Variants in SLC9C1 observed in about 807,000 individuals in gnomAD.
SLC9C1 encodes solute carrier family 9 member C1.
Under a neutral mutation model 140.9 loss-of-function variants are expected in SLC9C1, and 97 were observed. The observed-to-expected ratio is 0.69, with a 90% CI of 0.58 to 0.82. SLC9C1 has a LOEUF of 0.82. Among genes scored for constraint, SLC9C1 ranks in the 40% least tolerant of loss-of-function variants. The pLI, the probability that SLC9C1 is intolerant of heterozygous loss-of-function variation, is 0.00. For synonymous variants in SLC9C1, 440 were observed against 442.6 expected (o/e 0.99, Z 0.07); for missense variants, 1,340 against 1,389.3 (o/e 0.96, Z 0.56).
intron 15 of SLC9C1, among the ~76,000 whole-genome samples, chr3:112,210,996 T>A (rs2078187299): frequency 6.6e-6 from 1 of 152,212 alleles, no homozygotes; most frequent in South Asian, 2.1e-4. Context: ...TAACAATATA[T>A]GGTGGTACCA....
chr3:112,233,073 T>TATA (rs60790024), intron 12 of SLC9C1, among the ~76,000 whole-genome samples: 36,713 of 134,838 alleles, frequency 0.27, 5,164 homozygotes, highest in East Asian at 0.33. Context: ...ATATATTATA[T>TATA]TTTTTTTTTT....
At chr3:112,243,880 G>A (rs752057568) in intron 11 of SLC9C1, 115 bp downstream of exon 11, 66 of 635,252 alleles carry the variant, frequency 1.0e-4, no homozygotes, top group African/African-American at 1.5e-4. Flanking sequence ...TTGTAGAGAC[G>A]GGGGTCTCAC....
rs28449655 is a variant in SLC9C1 at position 112,251,448 on chromosome 3, C to T, written c.1198-7372G>A. Among the ~76,000 whole-genome samples, 1,516 of 152,214 alleles carry T rather than the reference C, an allele frequency of 1.0e-2. 26 individuals carry two copies. The highest frequency in any genetic ancestry group is 0.034 in the African/African-American group (1,412 of 41,518). ...TTAGCAGAGCAGCCATCCAAGCACA[C>T]GTGGAGCCCTAGGTGCTTCAGATAC... is the stretch of plus-strand genomic sequence containing the variant. On this transcript the variant is annotated intron_variant, in intron 10 of 28. Transcript: ENST00000305815.
intron 13 of SLC9C1, among the ~76,000 whole-genome samples, chr3:112,224,197 A>G (rs571766717): frequency 1.3e-4 from 20 of 152,318 alleles, no homozygotes; most frequent in Non-Finnish European, 2.8e-4. Flanking sequence ...AGGCACTCAC[A>G]GGCATCAATG....
At chr3:112,215,993 G>A (rs926710124) in intron 15 of SLC9C1, among the ~76,000 whole-genome samples, 1 of 152,200 alleles carries the variant, frequency 6.6e-6, no homozygotes, top group African/African-American at 2.4e-5. Flanking sequence ...GCATGGTACT[G>A]GTACCAAAAC....
chr3:112,281,408 C>T (rs969005344), intron 2 of SLC9C1, among the ~76,000 whole-genome samples: 4 of 152,072 alleles, frequency 2.6e-5, no homozygotes, highest in African/African-American at 7.2e-5. Flanking sequence ...AAAGGCTCTC[C>T]GATGTGGAGA....
chr3:112,292,788 C>T (rs995485706), intron 1 of SLC9C1, among the ~76,000 whole-genome samples: 2 of 151,814 alleles, frequency 1.3e-5, no homozygotes, highest in African/African-American at 4.8e-5. Flanking sequence ...TGTGATCTGC[C>T]CGCCTCGGCC....
At position 112,280,771 on chromosome 3, in the gene SLC9C1, C is replaced by T. The variant is rs753726324; in HGVS notation, c.101G>A (p.Arg34Gln). 40 of 1,610,556 alleles carry T rather than the reference C, an allele frequency of 2.5e-5. No individual in the cohort carries two copies. In the South Asian group the frequency reaches 3.8e-4, roughly 15 times the overall value. The change falls in exon 3 of 29, where the codon CGG becomes CAG. Residue 34 changes from arginine to glutamine, a missense_variant. Transcript: ENST00000305815. The stretch of plus-strand genomic sequence containing the variant: ...AGGAATTGGAAAGTCTTCCAAGTGC[C>T]GGTTCAAAAATGCTGCAAAAAATAT... Reference protein sequence around the residue: ...LISSIGAFLNRHLEDFPIPVP... With the variant: ...LISSIGAFLNQHLEDFPIPVP...
chr3:112,151,946 G>A lies in SLC9C1; in HGVS notation c.3435C>T (p.Ala1145=), dbSNP rs549677947. 5.7e-5 allele frequency: 91 copies of A among 1,597,948 alleles called. No homozygotes were observed. In the South Asian group the frequency reaches 8.8e-4, roughly 15 times the overall value. The part of the protein sequence containing the change: ...RNVKEDGAHS[A]ATARSPQPCS... ...AAGGCTGGGGACTCCTGGCAGTGGCGGCACTGTGTGCTCCATCCTGGGATT... is the reference window on the plus strand; with the variant it reads ...AAGGCTGGGGACTCCTGGCAGTGGCAGCACTGTGTGCTCCATCCTGGGATT... Residue 1145 remains alanine, a synonymous_variant, in exon 28 of 29, where the codon GCC becomes GCT. Transcript: ENST00000305815.
chr3:112,227,064 T>C (rs1200225979), intron 13 of SLC9C1, among the ~76,000 whole-genome samples: 2 of 151,906 alleles, frequency 1.3e-5, no homozygotes, highest in Non-Finnish European at 2.9e-5. Flanking sequence ...CTCCAACAAA[T>C]TGGAAAACCT....
chr3:112,208,767 C>A (rs2078122860), intron 15 of SLC9C1, among the ~76,000 whole-genome samples: 1 of 152,030 alleles, frequency 6.6e-6, no homozygotes, highest in African/African-American at 2.4e-5. Flanking sequence ...GAATATTGTT[C>A]CAACTTTTTA....
intron 23 of SLC9C1, among the ~76,000 whole-genome samples, chr3:112,175,495 C>A (rs903205318): frequency 6.6e-6 from 1 of 152,160 alleles, no homozygotes; most frequent in African/African-American, 2.4e-5. Context: ...AGCTGGAGGT[C>A]CACTCCAGCC....
intron 20 of SLC9C1, among the ~76,000 whole-genome samples, chr3:112,189,055 T>C (rs1216656557): frequency 1.3e-5 from 2 of 151,272 alleles, no homozygotes; most frequent in East Asian, 1.9e-4. Flanking sequence ...TCATATCCTT[T>C]GCCCACTTTT....
At chr3:112,166,857 C>T (rs552521285) in intron 26 of SLC9C1, among the ~76,000 whole-genome samples, 1 of 151,986 alleles carries the variant, frequency 6.6e-6, no homozygotes, top group Non-Finnish European at 1.5e-5. Flanking sequence ...GGCTTTATAT[C>T]AAAATTATTC....
chr3:112,166,181 G>C (rs983926832), intron 26 of SLC9C1, among the ~76,000 whole-genome samples: 3 of 152,208 alleles, frequency 2.0e-5, no homozygotes, highest in Admixed American at 2.0e-4. Context: ...CCCTTTCTTT[G>C]ACTAGGATAG....
At chr3:112,179,102 A>C (rs895572070) in intron 23 of SLC9C1, among the ~76,000 whole-genome samples, 2 of 152,162 alleles carry the variant, frequency 1.3e-5, no homozygotes, top group African/African-American at 4.8e-5. Flanking sequence ...TTTGAGTTCA[A>C]ATTAAGCCAG....
chr3:112,170,536 A>G (rs1007340618), intron 23 of SLC9C1, among the ~76,000 whole-genome samples: 17 of 152,290 alleles, frequency 1.1e-4, no homozygotes, highest in Non-Finnish European at 1.9e-4. Flanking sequence ...CCATTATCAG[A>G]TGTATGATTT....
At chr3:112,261,070 A>G (rs1369579664) in intron 10 of SLC9C1, among the ~76,000 whole-genome samples, 2 of 152,100 alleles carry the variant, frequency 1.3e-5, no homozygotes, top group Non-Finnish European at 2.9e-5. Context: ...ACATTTTTGA[A>G]GAAAGATCAG....
chr3:112,161,117 G>GT (rs1228158598), intron 26 of SLC9C1, among the ~76,000 whole-genome samples: 1 of 152,100 alleles, frequency 6.6e-6, no homozygotes, highest in Admixed American at 6.6e-5. Flanking sequence ...TGATGGGGTT[G>GT]TTTGTTTTTC....
Sources: gnomAD v4.1 joint callset for allele counts (sites outside exome capture counted in the v4.1 genomes callset) on GRCh38, gnomAD v4.1.1 for gene constraint, MANE v1.5 for transcripts, NCBI Gene and HGNC (gene_info 2026-07-23, HGNC 2026-07-21) for gene names.